Variants in ZCCHC7 observed in about 807,000 individuals in gnomAD.
ZCCHC7 encodes zinc finger CCHC domain-containing protein 7.
In ZCCHC7, 35 loss-of-function variants were observed where a neutral mutation model predicts 52.0. That is an observed-to-expected ratio of 0.67 (90% CI 0.51 to 0.89). The LOEUF (loss-of-function observed/expected upper bound fraction) is 0.89, where lower values mean the gene tolerates loss of function less well. ZCCHC7 is among the 40% of genes least tolerant of loss of function. ZCCHC7 has a pLI of 0.00. For missense variants in ZCCHC7, 574 were observed against 649.1 expected, an observed-to-expected ratio of 0.88 and a Z score of 1.26; for synonymous variants, 217 against 221.5, an observed-to-expected ratio of 0.98 and a Z score of 0.18.
chr9:37,211,767 G>A (rs918809782), intron 2 of ZCCHC7, among the ~76,000 whole-genome samples: 4 of 152,016 alleles, frequency 2.6e-5, no homozygotes, highest in East Asian at 1.9e-4. Context: ...GGTGGCTCAC[G>A]CCTGTAATCA....
At chr9:37,213,776 T>A (rs1824362161) in intron 2 of ZCCHC7, among the ~76,000 whole-genome samples, 2 of 152,088 alleles carry the variant, frequency 1.3e-5, no homozygotes, top group Admixed American at 1.3e-4. Flanking sequence ...TTCTAAAGTG[T>A]TTTGATTATA....
At chr9:37,205,278 A>G (rs1344982190) in intron 2 of ZCCHC7, 3 of 253,340 alleles carry the variant, frequency 1.2e-5, no homozygotes, top group Admixed American at 7.9e-5. Context: ...AACAGTACCT[A>G]TTCCCTTGAT....
intron 6 of ZCCHC7, among the ~76,000 whole-genome samples, chr9:37,348,127 C>T (rs1821112675): frequency 6.6e-6 from 1 of 152,210 alleles, no homozygotes; most frequent in Admixed American, 6.5e-5. Flanking sequence ...TCAGCTCAGA[C>T]TCTTCTGTCT....
intron 2 of ZCCHC7, among the ~76,000 whole-genome samples, chr9:37,216,321 G>A (rs192064035): frequency 6.4e-4 from 97 of 152,246 alleles, no homozygotes; most frequent in African/African-American, 1.8e-3. Context: ...TTATATTATT[G>A]TGAGACATTA....
intron 2 of ZCCHC7, chr9:37,186,615 T>C (rs1289868201): frequency 4.8e-6 from 2 of 415,306 alleles, no homozygotes; most frequent in Non-Finnish European, 9.2e-6. Flanking sequence ...ATTTTAAGAA[T>C]GCATTAGTAT....
At chr9:37,264,353 G>C (rs922816589) in intron 2 of ZCCHC7, among the ~76,000 whole-genome samples, 4 of 152,124 alleles carry the variant, frequency 2.6e-5, no homozygotes, top group African/African-American at 9.7e-5. Flanking sequence ...AGGTATTACA[G>C]TGTCTGTTAA....
chr9:37,123,890 G>A (rs1005371056), intron 1 of ZCCHC7, among the ~76,000 whole-genome samples: 4 of 152,192 alleles, frequency 2.6e-5, no homozygotes, highest in African/African-American at 7.2e-5. Context: ...TTGTGTGACA[G>A]TAACAGCATA....
At chr9:37,185,019 C>T (rs1376867334) in intron 2 of ZCCHC7, among the ~76,000 whole-genome samples, 1 of 152,054 alleles carries the variant, frequency 6.6e-6, no homozygotes, top group Non-Finnish European at 1.5e-5. Flanking sequence ...TCTGGATGTG[C>T]CTATTGGAAC....
At chr9:37,213,638 C>T (rs143111918) in intron 2 of ZCCHC7, among the ~76,000 whole-genome samples, 134 of 152,244 alleles carry the variant, frequency 8.8e-4, no homozygotes, top group African/African-American at 3.0e-3. Context: ...ATCTGCAAGG[C>T]AGATGGTATA....
At chr9:37,175,693 A>G (rs1386546511) in intron 2 of ZCCHC7, among the ~76,000 whole-genome samples, 1 of 152,106 alleles carries the variant, frequency 6.6e-6, no homozygotes, top group Non-Finnish European at 1.5e-5. Flanking sequence ...GTGAGCCAAA[A>G]TCATGCTACT....
intron 5 of ZCCHC7, among the ~76,000 whole-genome samples, chr9:37,315,464 G>A (rs889573385): frequency 1.3e-5 from 2 of 151,918 alleles, no homozygotes; most frequent in African/African-American, 4.8e-5. Flanking sequence ...AAACTACTTT[G>A]AGAAGTTCAA....
At chr9:37,226,574 A>C (rs75629295) in intron 2 of ZCCHC7, among the ~76,000 whole-genome samples, 2,236 of 152,324 alleles carry the variant, frequency 0.015, 20 homozygotes, top group Middle Eastern at 0.048. Flanking sequence ...GATACCAAAC[A>C]TTTCAGTTGG....
chr9:37,319,901 C>T (rs1829983772), intron 5 of ZCCHC7, among the ~76,000 whole-genome samples: 1 of 152,164 alleles, frequency 6.6e-6, no homozygotes, highest in East Asian at 1.9e-4. Flanking sequence ...CCATTCTCAA[C>T]TGAATTGATT....
At chr9:37,285,631 C>A (rs144698450) in intron 2 of ZCCHC7, among the ~76,000 whole-genome samples, 1 of 152,202 alleles carries the variant, frequency 6.6e-6, no homozygotes, top group East Asian at 1.9e-4. Flanking sequence ...GCTAGTTGAT[C>A]AAGCTATAAA....
At chr9:37,128,891 A>G (rs1842650460) in intron 2 of ZCCHC7, among the ~76,000 whole-genome samples, 1 of 152,238 alleles carries the variant, frequency 6.6e-6, no homozygotes, top group African/African-American at 2.4e-5. Flanking sequence ...AACACTATAG[A>G]AGGCCAAAAT....
intron 2 of ZCCHC7, among the ~76,000 whole-genome samples, chr9:37,262,747 C>T (rs1243014342): frequency 6.6e-6 from 1 of 152,178 alleles, no homozygotes; most frequent in Non-Finnish European, 1.5e-5. Context: ...TAGCTCCTTA[C>T]TTTTCATGTC....
chr9:37,293,639 C>T (rs1473762608), intron 2 of ZCCHC7, among the ~76,000 whole-genome samples: 1 of 152,218 alleles, frequency 6.6e-6, no homozygotes, highest in African/African-American at 2.4e-5. Flanking sequence ...CTTCCATAAT[C>T]TTGTTATATT....
chr9:37,220,560 G>A (rs956287484), intron 2 of ZCCHC7, among the ~76,000 whole-genome samples: 9 of 152,088 alleles, frequency 5.9e-5, no homozygotes, highest in Admixed American at 5.2e-4. Flanking sequence ...AAAAGGAAGG[G>A]CATCACATGA....
At chr9:37,199,929 C>T (rs544423200) in intron 2 of ZCCHC7, among the ~76,000 whole-genome samples, 7 of 151,944 alleles carry the variant, frequency 4.6e-5, no homozygotes, top group Non-Finnish European at 8.8e-5. Context: ...TGGTCTCAAA[C>T]TCCTGACTTC....
Sources: allele counts gnomAD v4.1 joint callset (sites outside exome capture counted in the v4.1 genomes callset), GRCh38; gene constraint gnomAD v4.1.1; transcripts MANE v1.5; gene names NCBI Gene and HGNC (gene_info 2026-07-23, HGNC 2026-07-21).